Variants in DOK6 observed in about 807,000 individuals in gnomAD.
DOK6 encodes downstream of tyrosine kinase 6.
In DOK6, 22 loss-of-function variants were observed where a neutral mutation model predicts 44.0. That is an observed-to-expected ratio of 0.50 (90% CI 0.36 to 0.71). DOK6 has a LOEUF of 0.71. Among genes scored for constraint, DOK6 ranks in the 30% least tolerant of loss-of-function variants. The pLI is 0.00. For missense variants in DOK6, 340 were observed against 416.4 expected, an observed-to-expected ratio of 0.82 and a Z score of 1.60; for synonymous variants, 166 against 145.5, an observed-to-expected ratio of 1.14 and a Z score of -1.01.
intron 1 of DOK6, among the ~76,000 whole-genome samples, chr18:69,513,564 G>A (rs775099429): frequency 6.6e-6 from 1 of 152,170 alleles, no homozygotes; most frequent in Non-Finnish European, 1.5e-5. Flanking sequence ...GTATTTACCT[G>A]TTGGGTTTAA....
intron 1 of DOK6, among the ~76,000 whole-genome samples, chr18:69,481,191 A>C (rs936478385): frequency 6.6e-6 from 1 of 152,052 alleles, no homozygotes; most frequent in African/African-American, 2.4e-5. Context: ...AGGAGCTGAG[A>C]TACCAAGTCA....
chr18:69,607,240 A>G (rs1252850862), intron 3 of DOK6, among the ~76,000 whole-genome samples: 1 of 152,250 alleles, frequency 6.6e-6, no homozygotes, highest in Non-Finnish European at 1.5e-5. Context: ...TGGTAGTCGC[A>G]CTTGATCTAC....
chr18:69,606,868 A>G (rs1274896339), intron 3 of DOK6, among the ~76,000 whole-genome samples: 1 of 150,728 alleles, frequency 6.6e-6, no homozygotes, highest in Non-Finnish European at 1.5e-5. Context: ...GGTTCAAGCA[A>G]CTCTCTGCCT....
rs148947950 is a variant in DOK6 at position 69,596,647 on chromosome 18, G to A, written c.175-2737G>A. Among the ~76,000 whole-genome samples the A allele has an allele frequency of 3.5e-4, 53 of 152,142 alleles. No homozygotes were observed. In the East Asian group the frequency reaches 5.4e-3, roughly 16 times the overall value. The stretch of plus-strand genomic sequence containing the variant: ...GAATCTTGTATTCTTCAAAAAATAC[G>A]ATGAAATAAAGGCATCGTGAGACAG... On this transcript the variant is annotated intron_variant, in intron 2 of 7. Transcript: ENST00000382713.
At chr18:69,668,428 A>T (rs1250330972) in intron 3 of DOK6, among the ~76,000 whole-genome samples, 1 of 151,844 alleles carries the variant, frequency 6.6e-6, no homozygotes, top group East Asian at 1.9e-4. Flanking sequence ...TTTTTCCTAT[A>T]GTTTTTGTTC....
chr18:69,420,963 C>G (rs769995067), intron 1 of DOK6, among the ~76,000 whole-genome samples: 61 of 152,276 alleles, frequency 4.0e-4, no homozygotes, highest in Non-Finnish European at 7.8e-4. Flanking sequence ...ATGAGTGCCT[C>G]AACCAATCTC....
intron 5 of DOK6, among the ~76,000 whole-genome samples, chr18:69,714,902 T>C (rs1599281015): frequency 6.6e-6 from 1 of 152,358 alleles, no homozygotes; most frequent in Non-Finnish European, 1.5e-5. Context: ...AAAGACTTGG[T>C]ATGAACAATA....
intron 3 of DOK6, among the ~76,000 whole-genome samples, chr18:69,666,849 G>C (rs1421335027): frequency 6.6e-6 from 1 of 152,172 alleles, no homozygotes; most frequent in Non-Finnish European, 1.5e-5. Context: ...TTCACAAGCT[G>C]TGTACTCAGC....
intron 2 of DOK6, among the ~76,000 whole-genome samples, chr18:69,594,253 T>C (rs1177027256): frequency 2.4e-4 from 37 of 151,862 alleles, no homozygotes; most frequent in African/African-American, 2.4e-5. Context: ...TAGCAAATTG[T>C]ATACACATAC....
intron 1 of DOK6, among the ~76,000 whole-genome samples, chr18:69,485,091 A>G (rs1225492344): frequency 1.3e-5 from 2 of 152,148 alleles, no homozygotes; most frequent in Non-Finnish European, 2.9e-5. Flanking sequence ...TACAGAGTCC[A>G]CTAATAGTGA....
chr18:69,548,918 C>A lies in DOK6; in HGVS notation c.67-15569C>A, dbSNP rs989987760. On this transcript the variant is annotated intron_variant, in intron 1 of 7. Transcript: ENST00000382713. ...ACCATCCTGGCTAACATGGTGAAAC[C>A]CCGTCTCTACTAAAAATACAAAAAA... 3.9e-4 allele frequency among the ~76,000 whole-genome samples: 59 copies of A among 151,130 alleles called. 2 individuals carry two copies. Among genetic ancestry groups the A allele is most frequent in the Non-Finnish European group, 8.0e-4 (54 of 67,546 alleles).
intron 3 of DOK6, among the ~76,000 whole-genome samples, chr18:69,644,135 T>C (rs1047026840): frequency 1.3e-5 from 2 of 152,192 alleles, no homozygotes; most frequent in African/African-American, 4.8e-5. Flanking sequence ...GGAGAGTTCT[T>C]TATAAATTCT....
At chr18:69,701,705 T>C (rs1382107796) in intron 5 of DOK6, among the ~76,000 whole-genome samples, 1 of 152,248 alleles carries the variant, frequency 6.6e-6, no homozygotes, top group Non-Finnish European at 1.5e-5. Flanking sequence ...CTAACTTTGA[T>C]AATATTGCTT....
At chr18:69,566,297 C>T (rs1439614320) in intron 2 of DOK6, among the ~76,000 whole-genome samples, 1 of 152,086 alleles carries the variant, frequency 6.6e-6, no homozygotes, top group African/African-American at 2.4e-5. Flanking sequence ...CCACTGCACC[C>T]AGCTAATTTT....
At chr18:69,611,372 G>A (rs1036686332) in intron 3 of DOK6, among the ~76,000 whole-genome samples, 2 of 152,088 alleles carry the variant, frequency 1.3e-5, no homozygotes, top group Non-Finnish European at 2.9e-5. Context: ...ATGTAAAATG[G>A]TACAGTCAGT....
intron 7 of DOK6, among the ~76,000 whole-genome samples, chr18:69,807,806 A>C (rs2145112355): frequency 6.6e-6 from 1 of 151,938 alleles, no homozygotes; most frequent in South Asian, 2.1e-4. Flanking sequence ...AATATTAATA[A>C]ATTATTGAAG....
At chr18:69,698,369 T>TAAA (rs1373534346) in intron 4 of DOK6, 35 bp from the exon 5 acceptor site, 1 of 1,565,706 alleles carries the variant, frequency 6.4e-7, no homozygotes. Flanking sequence ...ACACCTCTTT[T>TAAA]CACTTAACCT....
intron 4 of DOK6, among the ~76,000 whole-genome samples, chr18:69,685,956 A>G (rs1986143985): frequency 6.6e-6 from 1 of 152,136 alleles, no homozygotes. Flanking sequence ...TTTCACGCAA[A>G]ATGTATATGT....
chr18:69,419,383 C>G (rs888378801), intron 1 of DOK6, among the ~76,000 whole-genome samples: 1 of 151,908 alleles, frequency 6.6e-6, no homozygotes, highest in African/African-American at 2.4e-5. Flanking sequence ...ATAAAGCATC[C>G]AAAAAGTTTA....
Sources: gnomAD v4.1 joint callset for allele counts (sites outside exome capture counted in the v4.1 genomes callset) on GRCh38, gnomAD v4.1.1 for gene constraint, MANE v1.5 for transcripts, NCBI Gene and HGNC (gene_info 2026-07-23, HGNC 2026-07-21) for gene names.